The following BCAS3 variants were observed in gnomAD, a reference collection of about 807,000 sequenced individuals.
BCAS3 encodes BCAS3 microtubule associated cell migration factor, also known as BCAS4/BCAS3 fusion.
In BCAS3, 53 loss-of-function variants were observed where a neutral mutation model predicts 116.1. The ratio of observed to expected loss-of-function variants is 0.46; its 90% CI spans 0.37 to 0.57. The LOEUF is 0.57. Among genes scored for constraint, BCAS3 ranks in the 20% least tolerant of loss-of-function variants. The pLI is 0.00. For missense variants in BCAS3, 917 were observed against 1,165.4 expected (o/e 0.79, Z 3.10); for synonymous variants, 391 against 408.2 (o/e 0.96, Z 0.51).
At chr17:60,788,101 T>C (rs749209778) in intron 6 of BCAS3, among the ~76,000 whole-genome samples, 5 of 152,156 alleles carry the variant, frequency 3.3e-5, no homozygotes, top group Non-Finnish European at 7.4e-5. Flanking sequence ...CTTATCCCCA[T>C]TTTACAGATG....
chr17:61,322,894 C>T (rs993646472), intron 22 of BCAS3, among the ~76,000 whole-genome samples: 2 of 135,000 alleles, frequency 1.5e-5, no homozygotes, highest in African/African-American at 5.9e-5. Flanking sequence ...GTGGGGGGTC[C>T]TCTGGGAGAC....
intron 2 of BCAS3, among the ~76,000 whole-genome samples, chr17:60,679,853 T>C (rs1401702673): frequency 1.3e-5 from 2 of 151,948 alleles, no homozygotes; most frequent in Non-Finnish European, 2.9e-5. Flanking sequence ...GAAAATGAAA[T>C]AGAGGCCGGG....
chr17:60,814,045 G>A (rs1407808800), intron 7 of BCAS3, among the ~76,000 whole-genome samples: 4 of 151,962 alleles, frequency 2.6e-5, no homozygotes, highest in Non-Finnish European at 4.4e-5. Flanking sequence ...TAGAGTAGTT[G>A]TTTTTCTAAT....
chr17:60,777,050 A>C (rs2045368591), intron 6 of BCAS3, among the ~76,000 whole-genome samples: 1 of 151,670 alleles, frequency 6.6e-6, no homozygotes, highest in Non-Finnish European at 1.5e-5. Flanking sequence ...AGTAAAGTAT[A>C]TACACATATA....
chr17:60,988,986 A>G (rs1271693342), intron 14 of BCAS3, among the ~76,000 whole-genome samples: 1 of 150,566 alleles, frequency 6.6e-6, no homozygotes, highest in Non-Finnish European at 1.5e-5. Context: ...GTTTATTTGA[A>G]GTTTTCCTTT....
intron 20 of BCAS3, among the ~76,000 whole-genome samples, chr17:61,076,972 A>G (rs994824687): frequency 6.6e-6 from 1 of 152,190 alleles, no homozygotes; most frequent in East Asian, 1.9e-4. Context: ...TTAAGAATTA[A>G]TCACCACAAT....
At chr17:60,747,313 A>G in intron 6 of BCAS3, 34 bp downstream of exon 6, 1 of 1,537,884 alleles carries the variant, frequency 6.5e-7, no homozygotes, top group South Asian at 1.1e-5. Flanking sequence ...AATCTTTCAG[A>G]AAAGAGTTTC....
chr17:60,996,947 G>A (rs2063878585), intron 15 of BCAS3, among the ~76,000 whole-genome samples: 1 of 152,208 alleles, frequency 6.6e-6, no homozygotes, highest in Admixed American at 6.5e-5. Flanking sequence ...TAGTAATGTA[G>A]AAGTGTGATC....
At chr17:60,939,016 T>C (rs938287274) in intron 13 of BCAS3, among the ~76,000 whole-genome samples, 7 of 152,184 alleles carry the variant, frequency 4.6e-5, no homozygotes, top group Non-Finnish European at 1.0e-4. Context: ...CAGTTTCTTA[T>C]AAATATTTAA....
rs149995878 is a variant in BCAS3, at chr17:61,028,012, A to G, written c.1638-6654A>G. On this transcript the variant is annotated intron_variant, in intron 16 of 23. Transcript: ENST00000407086. The surrounding 1 kb of genome is among the most constrained non-coding windows in gnomAD (Gnocchi z 4.3). Reference sequence around the variant, plus strand: ...TAAGCTATATTAATTTTATTAATTTAGTCAGAATACTGAAAAGAGTTCTGC... The same window carrying G: ...TAAGCTATATTAATTTTATTAATTTGGTCAGAATACTGAAAAGAGTTCTGC... 1.2e-3 allele frequency among the ~76,000 whole-genome samples: 186 copies of G among 152,052 alleles called. 1 individual carries two copies. The highest frequency in any genetic ancestry group is 4.4e-3 in the African/African-American group (182 of 41,556).
At chr17:61,271,296 T>C (rs1462650708) in intron 22 of BCAS3, among the ~76,000 whole-genome samples, 1 of 147,132 alleles carries the variant, frequency 6.8e-6, no homozygotes, top group Non-Finnish European at 1.5e-5. Flanking sequence ...CCCGACTAGT[T>C]TTTTGTATTT....
intron 7 of BCAS3, among the ~76,000 whole-genome samples, chr17:60,857,719 T>C (rs1275065408): frequency 6.6e-6 from 1 of 152,200 alleles, no homozygotes; most frequent in Non-Finnish European, 1.5e-5. Context: ...ATGTCGGGCG[T>C]GCACCCAACT....
chr17:60,917,647 G>A (rs1401880484), intron 12 of BCAS3, among the ~76,000 whole-genome samples: 1 of 151,756 alleles, frequency 6.6e-6, no homozygotes, highest in East Asian at 1.9e-4. Flanking sequence ...AGGCTGGAGT[G>A]CAGTGGCACA....
At chr17:60,784,628 G>A in intron 6 of BCAS3, among the ~76,000 whole-genome samples, 1 of 151,088 alleles carries the variant, frequency 6.6e-6, no homozygotes, top group South Asian at 2.1e-4. Context: ...TAAATGAGGT[G>A]GAGTCTCACT....
chr17:61,280,714 T>C (rs1223446988), intron 22 of BCAS3, among the ~76,000 whole-genome samples: 1 of 152,198 alleles, frequency 6.6e-6, no homozygotes, highest in Non-Finnish European at 1.5e-5. Context: ...GTGTGTGTGT[T>C]CAGCAAGAAG....
At chr17:60,723,651 A>G (rs371688896) in intron 5 of BCAS3, among the ~76,000 whole-genome samples, 1 of 151,712 alleles carries the variant, frequency 6.6e-6, no homozygotes, top group African/African-American at 2.4e-5. Context: ...TTCATATTCA[A>G]ATTTCATCCA....
At chr17:60,761,902 T>C (rs1404194526) in intron 6 of BCAS3, among the ~76,000 whole-genome samples, 5 of 149,708 alleles carry the variant, frequency 3.3e-5, no homozygotes, top group African/African-American at 1.0e-4. Context: ...GCCATTCTAA[T>C]TCGTGTGAGA....
At chr17:60,863,745 A>C (rs968408418) in intron 7 of BCAS3, among the ~76,000 whole-genome samples, 3 of 152,176 alleles carry the variant, frequency 2.0e-5, no homozygotes, top group Non-Finnish European at 4.4e-5. Context: ...TAAAACAAAA[A>C]CAAAACCAAA....
At chr17:61,275,336 A>G (rs1356507357) in intron 22 of BCAS3, among the ~76,000 whole-genome samples, 1 of 152,202 alleles carries the variant, frequency 6.6e-6, no homozygotes, top group Non-Finnish European at 1.5e-5. Flanking sequence ...AAGTATATAG[A>G]ATAAAGGATT....
Sources: gnomAD v4.1 joint callset for allele counts (sites outside exome capture counted in the v4.1 genomes callset) on GRCh38, gnomAD v4.1.1 for gene constraint, Gnocchi (gnomAD v3.1) non-coding constraint, MANE v1.5 for transcripts, NCBI Gene and HGNC (gene_info 2026-07-23, HGNC 2026-07-21) for gene names.